The following USP40 variants were observed in gnomAD, a reference collection of about 807,000 sequenced individuals.
USP40 encodes ubiquitin carboxyl-terminal hydrolase 40.
USP40 carries 143 observed loss-of-function variants against 166.2 expected under a neutral mutation model. That is an observed-to-expected ratio of 0.86 (90% CI 0.75 to 0.99). The LOEUF is 0.99. Among genes scored for constraint, USP40 ranks in the 50% least tolerant of loss-of-function variants. The probability of loss-of-function intolerance (pLI) is 0.00; values close to 1 mark genes in which losing one functional copy is unlikely to be tolerated. For missense variants in USP40, 1,444 were observed against 1,479.7 expected (o/e 0.98, Z 0.40); for synonymous variants, 498 against 524.0 (o/e 0.95, Z 0.68).
intron 8 of USP40, 30 bp from the exon 9 acceptor site, chr2:233,542,393 C>T: frequency 3.8e-6 from 5 of 1,323,534 alleles, no homozygotes; most frequent in Non-Finnish European, 5.2e-6. Flanking sequence ...GAGTTTCTAT[C>T]ACTAACCCCT....
intron 23 of USP40, 58 bp from the exon 24 acceptor site, chr2:233,496,890 G>A: frequency 7.2e-7 from 1 of 1,381,022 alleles, no homozygotes; most frequent in Non-Finnish European, 1.0e-6. Flanking sequence ...GCAGATCATT[G>A]ATCTTTTTAA....
intron 31 of USP40, among the ~76,000 whole-genome samples, chr2:233,478,154 G>A (rs1381963439): frequency 6.6e-6 from 1 of 152,276 alleles, no homozygotes; most frequent in African/African-American, 2.4e-5. Context: ...GAATGAAGCT[G>A]CCTTGTAATT....
rs1265271266 is a variant in USP40, at chr2:233,489,360, C to T, written c.3131+5G>A. ...GGACAGTGTTGCGTCCAGCAAGGAA[C>T]CTACCTGAGTGGCTGCCGGTCAGTT... On this transcript the variant is annotated splice_donor_5th_base_variant and intron_variant, in intron 27 of 31. Transcript: ENST00000678225. 5 of 1,580,816 alleles carry T rather than the reference C, an allele frequency of 3.2e-6. No individual in the cohort carries two copies. In the Admixed American group the frequency reaches 9.0e-5, roughly 29 times the overall value.
chr2:233,557,663 G>A (rs1247043269), intron 4 of USP40, among the ~76,000 whole-genome samples: 1 of 152,122 alleles, frequency 6.6e-6, no homozygotes, highest in Non-Finnish European at 1.5e-5. Flanking sequence ...TGAGGCCCCA[G>A]GAAGCAGGAG....
chr2:233,501,758 A>G (rs2066081647), intron 21 of USP40, among the ~76,000 whole-genome samples: 1 of 152,264 alleles, frequency 6.6e-6, no homozygotes, highest in African/African-American at 2.4e-5. Context: ...AGAGAAAAAT[A>G]TGAGCGGGTT....
intron 1 of USP40, among the ~76,000 whole-genome samples, chr2:233,566,075 A>G (rs1190581777): frequency 6.6e-6 from 1 of 151,324 alleles, no homozygotes; most frequent in Non-Finnish European, 1.5e-5. Context: ...TGACATTTAA[A>G]TTAAACAGAT....
chr2:233,520,478 G>C (rs2067576177), intron 17 of USP40, among the ~76,000 whole-genome samples: 1 of 151,896 alleles, frequency 6.6e-6, no homozygotes, highest in African/African-American at 2.4e-5. Context: ...AATATAAAAA[G>C]GTATTTCCTG....
chr2:233,535,595 A>G, intron 10 of USP40, among the ~76,000 whole-genome samples: 1 of 152,170 alleles, frequency 6.6e-6, no homozygotes, highest in East Asian at 1.9e-4. Context: ...GACCCACCCT[A>G]AAGCCCAAAA....
intron 21 of USP40, among the ~76,000 whole-genome samples, chr2:233,503,746 C>T (rs2066231066): frequency 6.6e-6 from 1 of 152,040 alleles, no homozygotes; most frequent in Admixed American, 6.6e-5. Flanking sequence ...CACCACTAGA[C>T]CAATCTTACA....
intron 8 of USP40, among the ~76,000 whole-genome samples, chr2:233,543,031 T>C (rs1325356464): frequency 6.6e-6 from 1 of 152,232 alleles, no homozygotes. Context: ...CTACTCATCT[T>C]TGCAGGCCAG....
At chr2:233,565,271 T>C (rs920490151) in intron 2 of USP40, 85 bp downstream of exon 2, 24 of 996,536 alleles carry the variant, frequency 2.4e-5, no homozygotes, top group African/African-American at 1.5e-4. Context: ...TTTAAGATAA[T>C]TGGTCTATTT....
chr2:233,502,205 T>C lies in USP40; in HGVS notation c.2614-2290A>G, dbSNP rs181881808. On this transcript the variant is annotated intron_variant, in intron 21 of 31. Coordinates refer to ENST00000678225, the MANE Select transcript of USP40 (RefSeq NM_001365479.2). ...GAAGATACATCACTTTTGAAAAGTT[T>C]TGTGGTTTCTTTCCTTGAAATTAAA... Among the ~76,000 whole-genome samples, 13 of 152,240 alleles carry C rather than the reference T, an allele frequency of 8.5e-5. No homozygotes were observed. The East Asian group carries it at 2.1e-3, about 25-fold the overall frequency.
intron 2 of USP40, among the ~76,000 whole-genome samples, chr2:233,564,367 C>T (rs142492121): frequency 1.1e-3 from 167 of 152,138 alleles, no homozygotes; most frequent in African/African-American, 3.7e-3. Flanking sequence ...TGCTGGGGAC[C>T]CCAGTCAGGG....
intron 10 of USP40, among the ~76,000 whole-genome samples, chr2:233,534,370 T>A (rs1213893319): frequency 6.6e-6 from 1 of 152,218 alleles, no homozygotes. Context: ...CTCCATTGCC[T>A]GTCTCTACCT....
In USP40 at chr2:233,559,823, C is replaced by CATTA. The variant is rs751235271; in HGVS notation, c.368_369insTAAT (p.Trp123CysfsTer5). The CATTA allele has an allele frequency of 2.7e-5, 43 of 1,606,842 alleles. No individual in the cohort carries two copies. The highest frequency in any genetic ancestry group is 3.7e-5 in the Non-Finnish European group (43 of 1,176,768). Reference sequence around the variant, plus strand: ...CTGATCCTCGTACCTCATTACTGGTCCACCCAAAGCTGTCAGTGAGGTCTG... The same window carrying CATTA: ...CTGATCCTCGTACCTCATTACTGGTCATTACACCCAAAGCTGTCAGTGAGGTCTG... On this transcript the variant is annotated frameshift_variant, in exon 4 of 32. Coordinates refer to ENST00000678225, the MANE Select transcript of USP40 (RefSeq NM_001365479.2). LOFTEE classifies it high-confidence loss of function.
intron 8 of USP40, among the ~76,000 whole-genome samples, chr2:233,548,390 T>C (rs2070199002): frequency 6.6e-6 from 1 of 152,206 alleles, no homozygotes; most frequent in Admixed American, 6.5e-5. Context: ...ATCTGCAGGA[T>C]ACAAAATTAA....
At chr2:233,516,285 T>C (rs1300576770) in intron 18 of USP40, among the ~76,000 whole-genome samples, 1 of 152,206 alleles carries the variant, frequency 6.6e-6, no homozygotes, top group African/African-American at 2.4e-5. Flanking sequence ...TTTAAATTAT[T>C]TGTATTTCCA....
chr2:233,480,089 CCCA>C lies in USP40; in HGVS notation c.3599+1111_3599+1113del, dbSNP rs2064471167. Among the ~76,000 whole-genome samples, 1 of 152,214 alleles carries C rather than the reference CCCA, an allele frequency of 6.6e-6. No individual in the cohort carries two copies. The stretch of plus-strand genomic sequence containing the variant: ...AGCAGCCTCTAACCACGCTCGAACC[CCCA>C]CTTCTGCCATGGTCACGAGGTCACG... On this transcript the variant is annotated intron_variant, in intron 31 of 31. Coordinates refer to ENST00000678225, the MANE Select transcript of USP40 (RefSeq NM_001365479.2). This position sits in a 1 kb window ranked among gnomAD's most constrained non-coding sequence, Gnocchi z 4.5.
intron 1 of USP40, 43 bp from the exon 2 acceptor site, chr2:233,565,616 A>T (rs1387191769): frequency 1.3e-6 from 2 of 1,486,200 alleles, no homozygotes. Flanking sequence ...TTTAAAATAA[A>T]TTTTCCCCAA....
Sources: allele counts gnomAD v4.1 joint callset (sites outside exome capture counted in the v4.1 genomes callset), GRCh38; gene constraint gnomAD v4.1.1; non-coding constraint Gnocchi (gnomAD v3.1); transcripts MANE v1.5; gene names NCBI Gene and HGNC (gene_info 2026-07-23, HGNC 2026-07-21).